The following SPAG17 variants were observed in gnomAD, a reference collection of about 807,000 sequenced individuals.
The protein encoded by SPAG17 is sperm-associated antigen 17.
In SPAG17, 169 loss-of-function variants were observed where a neutral mutation model predicts 273.6. The observed-to-expected ratio is 0.62, with a 90% confidence interval of 0.55 to 0.70. The LOEUF (loss-of-function observed/expected upper bound fraction) is 0.70, where lower values mean the gene tolerates loss of function less well. SPAG17 is among the 30% of genes least tolerant of loss of function. The pLI is 0.00. For synonymous variants in SPAG17, 825 were observed against 873.2 expected (o/e 0.94, Z 0.97); for missense variants, 2,557 against 2,627.8 (o/e 0.97, Z 0.59).
chr1:117,959,757 G>C (rs1385784754), intron 48 of SPAG17: 4 of 190,010 alleles, frequency 2.1e-5, no homozygotes, highest in African/African-American at 9.3e-5. Context: ...GTTTTAATTA[G>C]GTATTTGTTT....
intron 29 of SPAG17, among the ~76,000 whole-genome samples, chr1:118,014,239 G>A (rs1659750147): frequency 6.6e-6 from 1 of 152,176 alleles, no homozygotes; most frequent in African/African-American, 2.4e-5. Context: ...ACAGGGCCTA[G>A]TACACAGTGA....
At chr1:118,117,300 TCACCTATGTCTGG>T (rs1395028360) in intron 3 of SPAG17, among the ~76,000 whole-genome samples, 4 of 152,192 alleles carry the variant, frequency 2.6e-5, no homozygotes, top group Non-Finnish European at 5.9e-5. Flanking sequence ...AACAGGATAT[TCACCTATGTCTGG>T]GGGGTTTGGG....
At chr1:118,053,036 T>C (rs1651246133) in intron 20 of SPAG17, among the ~76,000 whole-genome samples, 1 of 151,984 alleles carries the variant, frequency 6.6e-6, no homozygotes, top group Non-Finnish European at 1.5e-5. Flanking sequence ...ATATATGTAG[T>C]TATGTAGGAT....
At chr1:118,148,202 A>G (rs1178153042) in intron 3 of SPAG17, among the ~76,000 whole-genome samples, 2 of 152,212 alleles carry the variant, frequency 1.3e-5, no homozygotes, top group Non-Finnish European at 2.9e-5. Context: ...GTTTACCACT[A>G]TCAAGTGTCC....
chr1:118,065,783 T>C (rs1652900144), intron 18 of SPAG17, among the ~76,000 whole-genome samples: 1 of 151,872 alleles, frequency 6.6e-6, no homozygotes, highest in Non-Finnish European at 1.5e-5. Context: ...AAACTAGAAA[T>C]AGTTTTTTTA....
Position 118,005,488 on chromosome 1 carries a change from C to A in SPAG17, c.4702G>T (p.Ala1568Ser), listed in dbSNP as rs774052861. The A allele has an allele frequency of 4.3e-6, 7 of 1,613,722 alleles. No individual in the cohort carries two copies. The highest frequency in any genetic ancestry group is 5.9e-6 in the Non-Finnish European group (7 of 1,179,780). Residue 1568 changes from alanine to serine, a missense_variant, in exon 32 of 49, where the codon GCT becomes TCT. Coordinates refer to ENST00000336338, the MANE Select transcript of SPAG17 (RefSeq NM_206996.4). ...GTATGCCTCATGATGTACCTGCCAG[C>A]TCGCAGCTGCTCACGCTTTTGAAAA... ...YPFQKREQLR[A>S]GRYIMRHTSE...
At chr1:118,155,153 C>A (rs1351462574) in intron 1 of SPAG17, among the ~76,000 whole-genome samples, 1 of 152,026 alleles carries the variant, frequency 6.6e-6, no homozygotes, top group Non-Finnish European at 1.5e-5. Flanking sequence ...GGACACAATC[C>A]ATTTCCTTTT....
chr1:118,056,180 A>G, intron 18 of SPAG17, among the ~76,000 whole-genome samples: 1 of 152,208 alleles, frequency 6.6e-6, no homozygotes. Context: ...AAATAAAAAA[A>G]GAAATAAGAT....
chr1:118,151,887 G>T (rs1372274016), intron 1 of SPAG17, among the ~76,000 whole-genome samples: 4 of 152,140 alleles, frequency 2.6e-5, no homozygotes, highest in African/African-American at 9.7e-5. Context: ...GAATCTTACT[G>T]CTAATTACAC....
intron 35 of SPAG17, 59 bp from the exon 36 acceptor site, chr1:117,992,707 A>T (rs879144561): frequency 1.1e-5 from 15 of 1,376,146 alleles, no homozygotes; most frequent in African/African-American, 5.9e-5. Context: ...TCACATTCAA[A>T]TTTTTTTTAA....
At chr1:118,032,783 G>A (rs1468390271) in intron 24 of SPAG17, among the ~76,000 whole-genome samples, 2 of 151,726 alleles carry the variant, frequency 1.3e-5, no homozygotes, top group African/African-American at 4.8e-5. Flanking sequence ...TAATAGACAC[G>A]GGGTTTCACC....
chr1:118,147,888 T>C (rs530235106), intron 3 of SPAG17, among the ~76,000 whole-genome samples: 12 of 152,336 alleles, frequency 7.9e-5, no homozygotes, highest in African/African-American at 2.6e-4. Context: ...AGTCTCACTT[T>C]AGTTTGCTGC....
At chr1:117,982,495 C>T (rs959290104) in intron 42 of SPAG17, among the ~76,000 whole-genome samples, 2 of 152,210 alleles carry the variant, frequency 1.3e-5, no homozygotes, top group Non-Finnish European at 2.9e-5. Context: ...CCCGCTTTGG[C>T]CTCCTAAAGT....
At chr1:118,173,506 C>T (rs1246291021) in intron 1 of SPAG17, among the ~76,000 whole-genome samples, 2 of 152,008 alleles carry the variant, frequency 1.3e-5, no homozygotes, top group South Asian at 2.1e-4. Flanking sequence ...GCATGCTTTT[C>T]GGTACATGAA....
rs1653884132 is a variant in SPAG17, at chr1:117,966,622, T to TA, written c.6518dup (p.Pro2174ThrfsTer13). 2 of 1,609,788 alleles carry TA rather than the reference T, an allele frequency of 1.2e-6. No homozygotes were observed. Among genetic ancestry groups the TA allele is most frequent in the Non-Finnish European group, 1.7e-6 (2 of 1,178,716 alleles). On this transcript the variant is annotated frameshift_variant, in exon 47 of 49. Transcript: ENST00000336338. LOFTEE classifies it high-confidence loss of function. Reference sequence around the variant, plus strand: ...TTTAAAGGATATTTGCTTCCACAGGTAGGAACAGAACCTCATGCTCTGTCA... The same window carrying TA: ...TTTAAAGGATATTTGCTTCCACAGGTAAGGAACAGAACCTCATGCTCTGTCA...
chr1:118,182,857 T>C (rs1203053740), intron 1 of SPAG17, among the ~76,000 whole-genome samples: 1 of 152,232 alleles, frequency 6.6e-6, no homozygotes, highest in African/African-American at 2.4e-5. Flanking sequence ...TCCTAACCTC[T>C]AGTCTCTATT....
At chr1:118,026,292 C>G (rs1475432766) in intron 26 of SPAG17, among the ~76,000 whole-genome samples, 4 of 152,164 alleles carry the variant, frequency 2.6e-5, no homozygotes, top group Admixed American at 1.3e-4. Flanking sequence ...AAAGCAAGCA[C>G]TATTATGGAG....
intron 30 of SPAG17, among the ~76,000 whole-genome samples, chr1:118,011,263 C>T (rs1659435444): frequency 6.6e-6 from 1 of 152,170 alleles, no homozygotes; most frequent in Non-Finnish European, 1.5e-5. Context: ...TGTAGAGACA[C>T]ATACACACAT....
At chr1:117,975,573 A>C (rs957399646) in intron 43 of SPAG17, among the ~76,000 whole-genome samples, 2 of 152,206 alleles carry the variant, frequency 1.3e-5, no homozygotes, top group Non-Finnish European at 2.9e-5. Context: ...TGGAACCACA[A>C]GGAACATGCT....
Sources: allele counts gnomAD v4.1 joint callset (sites outside exome capture counted in the v4.1 genomes callset), GRCh38; gene constraint gnomAD v4.1.1; transcripts MANE v1.5; gene names NCBI Gene and HGNC (gene_info 2026-07-23, HGNC 2026-07-21).